TBL1Y: variants seen among roughly 807,000 people sequenced by gnomAD.
TBL1Y encodes F-box-like/WD repeat-containing protein TBL1Y.
A neutral mutation model predicts 12.0 loss-of-function variants in TBL1Y; 15 were observed. The observed-to-expected ratio is 1.25, with a 90% CI of 0.83 to 1.92. The LOEUF is 1.92. Ranked by LOEUF, TBL1Y falls within the 40% of genes most tolerant of loss-of-function variation. TBL1Y has a pLI of 0.00. For synonymous variants in TBL1Y, 53 were observed against 42.6 expected (o/e 1.24, Z -0.95); for missense variants, 148 against 116.7 (o/e 1.27, Z -1.24).
chrY:7,033,285 A>T, intron 6 of TBL1Y, among the ~76,000 whole-genome samples: 1 of 33,338 alleles, frequency 3.0e-5, no homozygotes, highest in Non-Finnish European at 7.4e-5. Context: ...CTAAACCAAG[A>T]AGAGGTTGAA....
chrY:7,046,615 C>T, intron 7 of TBL1Y, among the ~76,000 whole-genome samples: 1 of 33,812 alleles, frequency 3.0e-5, no homozygotes, highest in South Asian at 6.7e-4. Context: ...GAAAAAGGAC[C>T]TAACAAATGA....
intron 2 of TBL1Y, among the ~76,000 whole-genome samples, chrY:6,966,855 CT>C (rs2012172278): frequency 6.1e-5 from 2 of 32,699 alleles, no homozygotes; most frequent in African/African-American, 2.4e-4. Flanking sequence ...CTCTCTCTCT[CT>C]TTTTTAATGT....
chrY:6,928,067 A>G, intron 2 of TBL1Y, among the ~76,000 whole-genome samples: 1 of 33,494 alleles, frequency 3.0e-5, no homozygotes, highest in African/African-American at 1.2e-4. Context: ...TTTGCTGAGA[A>G]TAGCTGAAGA....
intron 7 of TBL1Y, among the ~76,000 whole-genome samples, chrY:7,052,770 C>T: frequency 2.9e-5 from 1 of 34,366 alleles, no homozygotes; most frequent in African/African-American, 1.1e-4. Context: ...GAGGAACATG[C>T]TATGACCTAA....
intron 13 of TBL1Y, among the ~76,000 whole-genome samples, chrY:7,080,368 G>A: frequency 6.0e-5 from 2 of 33,363 alleles, no homozygotes; most frequent in Admixed American, 5.4e-4. Flanking sequence ...GGCCAAGGCC[G>A]GAGGATTGCT....
chrY:7,086,427 G>A lies in TBL1Y; in HGVS notation c.1280+10G>A. The A allele has an allele frequency of 5.3e-6, 2 of 380,025 alleles. No homozygotes were observed. The highest frequency in any genetic ancestry group is 7.4e-6 in the Non-Finnish European group (2 of 271,414). The allele number at this position is 380,025 out of a possible 400,897, so 94.8% of individuals were successfully genotyped here. A position where few individuals can be genotyped will look rare whatever the true frequency, so the allele number is the denominator to read the frequency against. Reference sequence around the variant, plus strand: ...GCATCATGTTGGCAAGGTAAGGGCCGGCAGCACAACTGGTACAGCTCCGCC... The same window carrying A: ...GCATCATGTTGGCAAGGTAAGGGCCAGCAGCACAACTGGTACAGCTCCGCC... On this transcript the variant is annotated intron_variant, in intron 16 of 18. Coordinates refer to ENST00000383032, the MANE Select transcript of TBL1Y (RefSeq NM_033284.2).
At chrY:7,011,317 T>TG (rs2012518359) in intron 4 of TBL1Y, among the ~76,000 whole-genome samples, 1 of 34,048 alleles carries the variant, frequency 2.9e-5, no homozygotes, top group African/African-American at 1.1e-4. Flanking sequence ...ACTGTCCCCC[T>TG]GGGGGGCAAC....
chrY:6,986,680 G>A (rs2012319951), intron 3 of TBL1Y, among the ~76,000 whole-genome samples: 1 of 30,195 alleles, frequency 3.3e-5, no homozygotes, highest in Non-Finnish European at 7.9e-5. Context: ...CCATAGGATG[G>A]GTCCTAGAAG....
At chrY:7,061,007 T>C (rs1005389791) in intron 7 of TBL1Y, among the ~76,000 whole-genome samples, 1 of 31,410 alleles carries the variant, frequency 3.2e-5, no homozygotes, top group Non-Finnish European at 7.7e-5. Context: ...TCAAGAGAAT[T>C]ATCAGTGGTT....
intron 2 of TBL1Y, among the ~76,000 whole-genome samples, chrY:6,960,548 T>C: frequency 6.0e-5 from 2 of 33,337 alleles, no homozygotes; most frequent in African/African-American, 2.4e-4. Context: ...GATTTTAGCC[T>C]TCTATAAACC....
At chrY:6,955,165 G>A (rs2012062739) in intron 2 of TBL1Y, among the ~76,000 whole-genome samples, 1 of 33,456 alleles carries the variant, frequency 3.0e-5, no homozygotes, top group African/African-American at 1.2e-4. Flanking sequence ...TTTTTGGAGG[G>A]ACAGAGGACT....
At chrY:6,972,997 G>A (rs2012216882) in intron 2 of TBL1Y, among the ~76,000 whole-genome samples, 1 of 32,709 alleles carries the variant, frequency 3.1e-5, no homozygotes, top group Non-Finnish European at 7.5e-5. Flanking sequence ...GTCACCCTCA[G>A]TTCCTCCCTG....
At chrY:6,970,640 T>A in intron 2 of TBL1Y, among the ~76,000 whole-genome samples, 1 of 33,955 alleles carries the variant, frequency 2.9e-5, no homozygotes, top group Non-Finnish European at 7.3e-5. Flanking sequence ...TGGACTTCTG[T>A]CTTTTCACTG....
Position 7,087,451 on chromosome Y carries a change from C to T in TBL1Y, c.1446+19C>T, listed in dbSNP as rs777415824. 3.1e-5 allele frequency: 12 copies of T among 391,105 alleles called. No homozygotes were observed. The highest frequency in any genetic ancestry group is 2.4e-4 in the South Asian group (8 of 33,227). ...TACTCAGGTAAGCTCCTGACCCATA[C>T]GAATCCTTTTAGTAAGGGATGCCTG... On this transcript the variant is annotated intron_variant, in intron 17 of 18. Coordinates refer to ENST00000383032, the MANE Select transcript of TBL1Y (RefSeq NM_033284.2).
chrY:7,001,618 C>CA (rs1169027075), intron 4 of TBL1Y, among the ~76,000 whole-genome samples: 36 of 25,201 alleles, frequency 1.4e-3, no homozygotes, highest in East Asian at 9.5e-3. Flanking sequence ...GACTCCGTCT[C>CA]AAAAAAAAAA....
At chrY:6,937,462 G>A (rs1030960600) in intron 2 of TBL1Y, among the ~76,000 whole-genome samples, 3 of 32,928 alleles carry the variant, frequency 9.1e-5, no homozygotes, top group East Asian at 8.2e-4. Context: ...TTTCAGTCTC[G>A]GAAGACTGAG....
At position 7,063,948 on chromosome Y, in the gene TBL1Y, G is replaced by C; in HGVS notation, c.256G>C (p.Ala86Pro). The change falls in exon 8 of 19, where the codon GCT (alanine) becomes CCT (proline). Residue 86 changes from alanine to proline, a missense_variant. By Grantham distance (27) the Ala-to-Pro change is conservative. Coordinates refer to ENST00000383032, the MANE Select transcript of TBL1Y (RefSeq NM_033284.2). ...TATAGAGTCCCTGTCCCTGATAGTT[G>C]CTGTGATTCCTGATGTGGTGCAGAT... ...RPIESLSLIVAVIPDVVQMRQ... is the reference protein window; with the variant it reads ...RPIESLSLIVPVIPDVVQMRQ... The C allele has an allele frequency of 2.5e-6, 1 of 398,271 alleles. No homozygotes were observed. Among genetic ancestry groups the C allele is most frequent in the Non-Finnish European group, 3.5e-6 (1 of 283,356 alleles).
At chrY:7,064,203 T>C (rs2012951897) in intron 8 of TBL1Y, 54 bp downstream of exon 8, 1 of 382,137 alleles carries the variant, frequency 2.6e-6, no homozygotes, top group Non-Finnish European at 3.7e-6. Context: ...CATTGTTTTC[T>C]TTTAAATCTG....
intron 8 of TBL1Y, among the ~76,000 whole-genome samples, chrY:7,069,121 G>T: frequency 6.2e-5 from 2 of 32,357 alleles, no homozygotes; most frequent in Admixed American, 6.0e-4. Context: ...CTTGATGAAG[G>T]ACATAACGAA....
Sources: gnomAD v4.1 joint callset for allele counts (sites outside exome capture counted in the v4.1 genomes callset) on GRCh38, gnomAD v4.1.1 for gene constraint, MANE v1.5 for transcripts, NCBI Gene and HGNC (gene_info 2026-07-23, HGNC 2026-07-21) for gene names.